KANSL1L: variants seen among roughly 807,000 people sequenced by gnomAD.
KANSL1L encodes KAT8 regulatory NSL complex subunit 1 like.
A neutral mutation model predicts 108.6 loss-of-function variants in KANSL1L; 25 were observed. The observed-to-expected ratio is 0.23, with a 90% confidence interval of 0.17 to 0.32. The LOEUF is 0.32. Ranked by LOEUF, KANSL1L falls within the 10% of genes least tolerant of loss-of-function variation. The probability of loss-of-function intolerance (pLI) is 1.00; values close to 1 mark genes in which losing one functional copy is unlikely to be tolerated. For missense variants in KANSL1L, 1,137 were observed against 1,125.7 expected (o/e 1.01, Z -0.14); for synonymous variants, 405 against 395.1 (o/e 1.03, Z -0.30).
At chr2:210,142,089 C>T (rs533830110) in intron 2 of KANSL1L, among the ~76,000 whole-genome samples, 2 of 150,688 alleles carry the variant, frequency 1.3e-5, no homozygotes, top group Admixed American at 6.6e-5. Context: ...CCCTCCTCCT[C>T]TTCAATTTTT....
intron 3 of KANSL1L, among the ~76,000 whole-genome samples, chr2:210,110,565 A>G (rs955395824): frequency 4.6e-5 from 7 of 152,226 alleles, no homozygotes; most frequent in Non-Finnish European, 1.0e-4. Flanking sequence ...TAAGCAGAAT[A>G]TGGTCAAAGA....
At chr2:210,079,650 A>ATATATGTG (rs1559539732) in intron 5 of KANSL1L, among the ~76,000 whole-genome samples, 1 of 19,542 alleles carries the variant, frequency 5.1e-5, no homozygotes, top group East Asian at 3.8e-3. Flanking sequence ...ATATATATAT[A>ATATATGTG]TATATATATA....
chr2:210,046,030 T>C (rs2094219327), intron 6 of KANSL1L, among the ~76,000 whole-genome samples: 1 of 152,194 alleles, frequency 6.6e-6, no homozygotes, highest in Non-Finnish European at 1.5e-5. Context: ...GCAGATTTAG[T>C]GTCTGACAAA....
chr2:210,146,222 C>T (rs767745626), intron 2 of KANSL1L, among the ~76,000 whole-genome samples: 7 of 152,126 alleles, frequency 4.6e-5, no homozygotes, highest in Non-Finnish European at 4.4e-5. Context: ...GTGCAGTTAT[C>T]CTCTGGATTT....
chr2:210,153,490 C>CT lies in KANSL1L; in HGVS notation c.1088+4dup. Reference sequence around the variant, plus strand: ...AAAATAGTCTAATAATAATTTTGCACTTACACTGCCACATTTTTTCTAAGG... The same window carrying CT: ...AAAATAGTCTAATAATAATTTTGCACTTTACACTGCCACATTTTTTCTAAGG... On this transcript the variant is annotated splice_donor_region_variant and intron_variant, in intron 2 of 14. Coordinates refer to ENST00000281772, the MANE Select transcript of KANSL1L (RefSeq NM_152519.4). The CT allele has an allele frequency of 6.2e-7, 1 of 1,612,770 alleles. No individual in the cohort carries two copies. Among genetic ancestry groups the CT allele is most frequent in the Non-Finnish European group, 8.5e-7 (1 of 1,179,330 alleles).
intron 6 of KANSL1L, among the ~76,000 whole-genome samples, chr2:210,071,047 A>G (rs1174250754): frequency 1.3e-5 from 2 of 151,574 alleles, no homozygotes; most frequent in Non-Finnish European, 2.9e-5. Flanking sequence ...AATCCCAGCT[A>G]CTTGGGAGGC....
chr2:210,035,834 A>G (rs541952193), intron 8 of KANSL1L, among the ~76,000 whole-genome samples: 1 of 152,274 alleles, frequency 6.6e-6, no homozygotes, highest in Non-Finnish European at 1.5e-5. Context: ...GACAAGACAT[A>G]TGTTTGTTTT....
intron 3 of KANSL1L, among the ~76,000 whole-genome samples, chr2:210,105,081 C>A (rs560017065): frequency 1.3e-5 from 2 of 152,094 alleles, no homozygotes; most frequent in East Asian, 3.9e-4. Context: ...CTTCCTCACT[C>A]CAACTGTTCT....
intron 6 of KANSL1L, among the ~76,000 whole-genome samples, chr2:210,057,968 C>A (rs2094372404): frequency 6.6e-6 from 1 of 152,084 alleles, no homozygotes; most frequent in South Asian, 2.1e-4. Flanking sequence ...TGTGTTTGAA[C>A]AATATGAAAT....
chr2:210,143,025 A>G (rs996342828), intron 2 of KANSL1L, among the ~76,000 whole-genome samples: 3 of 152,070 alleles, frequency 2.0e-5, no homozygotes, highest in Admixed American at 1.3e-4. Context: ...TTTATCCATT[A>G]TTGAAAGTGG....
chr2:210,092,976 C>T (rs1418078496), intron 5 of KANSL1L, among the ~76,000 whole-genome samples: 1 of 152,026 alleles, frequency 6.6e-6, no homozygotes, highest in Non-Finnish European at 1.5e-5. Context: ...GGCAAATCTC[C>T]CTGTGGTCCC....
intron 3 of KANSL1L, among the ~76,000 whole-genome samples, chr2:210,109,093 T>C (rs904427111): frequency 6.6e-6 from 1 of 152,124 alleles, no homozygotes; most frequent in Admixed American, 6.5e-5. Context: ...GAGATGTCAC[T>C]TTCTTCTCTT....
intron 2 of KANSL1L, among the ~76,000 whole-genome samples, chr2:210,149,903 C>CA (rs61291990): frequency 0.025 from 3,188 of 127,546 alleles, 74 homozygotes; most frequent in African/African-American, 0.069. Flanking sequence ...AAAGAAAAAC[C>CA]AAAAAAAAAA....
At chr2:210,117,414 A>G (rs528008077) in intron 3 of KANSL1L, among the ~76,000 whole-genome samples, 2 of 152,280 alleles carry the variant, frequency 1.3e-5, no homozygotes, top group South Asian at 2.1e-4. Context: ...GGCACCAAGA[A>G]AATTTAATCC....
chr2:210,032,139 C>T (rs949041063), intron 8 of KANSL1L: 3 of 152,108 alleles, frequency 2.0e-5, no homozygotes, highest in Admixed American at 6.6e-5. Flanking sequence ...GTCTAACAAC[C>T]AAATTGGCTT....
chr2:210,036,810 G>A (rs1381553517), intron 8 of KANSL1L, among the ~76,000 whole-genome samples: 4 of 152,092 alleles, frequency 2.6e-5, no homozygotes, highest in African/African-American at 9.7e-5. Context: ...ACCCTGAGGT[G>A]CAGTGGTGTA....
chr2:210,136,869 T>A (rs1217678014), intron 2 of KANSL1L, among the ~76,000 whole-genome samples: 1 of 152,218 alleles, frequency 6.6e-6, no homozygotes, highest in Admixed American at 6.5e-5. Flanking sequence ...ATTCCTGCTC[T>A]AACACAATAT....
intron 6 of KANSL1L, among the ~76,000 whole-genome samples, chr2:210,054,991 A>T (rs1197413456): frequency 6.6e-6 from 1 of 152,210 alleles, no homozygotes; most frequent in African/African-American, 2.4e-5. Context: ...TTGTGTTTCT[A>T]TGTATCAGTG....
intron 5 of KANSL1L, among the ~76,000 whole-genome samples, chr2:210,079,602 AT>A (rs5838193): frequency 0.42 from 44,090 of 104,424 alleles, 11,435 homozygotes; most frequent in Admixed American, 0.59. Flanking sequence ...AAAAAAAAAA[AT>A]ATGTATGTGT....
Sources: allele counts gnomAD v4.1 joint callset (sites outside exome capture counted in the v4.1 genomes callset), GRCh38; gene constraint gnomAD v4.1.1; transcripts MANE v1.5; gene names NCBI Gene and HGNC (gene_info 2026-07-23, HGNC 2026-07-21).